Variants in EPN1 observed in about 807,000 individuals in gnomAD.
EPN1 encodes the protein epsin-1.
A neutral mutation model predicts 56.9 loss-of-function variants in EPN1; 25 were observed. The ratio of observed to expected loss-of-function variants is 0.44; its 90% CI spans 0.32 to 0.61. The LOEUF is 0.61. Among genes scored for constraint, EPN1 ranks in the 20% least tolerant of loss-of-function variants. The pLI, the probability that EPN1 is intolerant of heterozygous loss-of-function variation, is 0.05. For synonymous variants in EPN1, 411 were observed against 361.8 expected (o/e 1.14, Z -1.54); for missense variants, 785 against 823.7 (o/e 0.95, Z 0.58).
rs190736607 is a variant in EPN1 at position 55,701,189 on chromosome 19, G to C, written c.*5833G>C. On this transcript the variant is annotated 3_prime_UTR_variant, in exon 11 of 11. Transcript: ENST00000270460. ...GTTTCGCCTGGGTGCTGTGGCTCAT[G>C]CTTGTAATCCTAGCACTTTGGGAGG... The C allele has an allele frequency of 6.6e-6, 1 of 152,348 alleles. No homozygotes were observed. The highest frequency in any genetic ancestry group is 1.9e-4 in the East Asian group (1 of 5,178). 9.4% of individuals were successfully genotyped at this position (152,348 alleles called of 1,614,324 possible).
chr19:55,689,371 G>A lies in EPN1; in HGVS notation c.678G>A (p.Lys226=). 1 of 1,551,536 alleles carries A rather than the reference G, an allele frequency of 6.4e-7. No individual in the cohort carries two copies. The highest frequency in any genetic ancestry group is 8.7e-7 in the Non-Finnish European group (1 of 1,146,834). ...GTTTGAGCCGAGAAGAGCATGATAA[G>A]GTCAGAGCAGCCTCCCTGTCCCTGC... ...ALSLSREEHD[K]EERIRRGDDL... Residue 226 remains lysine, a splice_region_variant and synonymous_variant, in exon 5 of 11, where the codon AAG becomes AAA. Transcript: ENST00000270460. This position sits in a 1 kb window ranked among gnomAD's most constrained non-coding sequence, Gnocchi z 5.7.
rs773321347 is a variant in EPN1 at position 55,708,615 on chromosome 19, A to G, written c.*13259A>G. On this transcript the variant is annotated 3_prime_UTR_variant, in exon 11 of 11. Transcript: ENST00000270460. ...CTCCTACACACCAAGACATCCATTA[A>G]GAAAATAAAGCCATGCTTTCCAGAG... 7 of 222,242 alleles carry G rather than the reference A, an allele frequency of 3.1e-5. No individual in the cohort carries two copies. Among genetic ancestry groups the G allele is most frequent in the Non-Finnish European group, 5.3e-5 (6 of 114,226 alleles). 13.8% of individuals were successfully genotyped at this position (222,242 alleles called of 1,614,324 possible).
chr19:55,690,857 T>A (rs1986496269), intron 6 of EPN1, among the ~76,000 whole-genome samples: 1 of 152,130 alleles, frequency 6.6e-6, no homozygotes, highest in African/African-American at 2.4e-5. Context: ...CCTCTTTAGG[T>A]TGGCCTCGGC....
chr19:55,695,097 T>C lies in EPN1; in HGVS notation c.1523-51T>C, dbSNP rs374327985. 2 of 1,611,096 alleles carry C rather than the reference T, an allele frequency of 1.2e-6. No homozygotes were observed. Among genetic ancestry groups the C allele is most frequent in the Non-Finnish European group, 1.7e-6 (2 of 1,178,180 alleles). ...CCTGCACATGCTGGATGGACACAGG[T>C]GGGCTGCGCCACTGACTCCACTCCG... On this transcript the variant is annotated intron_variant, in intron 10 of 10. Coordinates refer to ENST00000270460, the MANE Select transcript of EPN1 (RefSeq NM_001130072.2). This position sits in a 1 kb window ranked among gnomAD's most constrained non-coding sequence, Gnocchi z 4.4.
In EPN1 at chr19:55,688,952, G is replaced by A; in HGVS notation, c.561G>A (p.Gln187=). 1 of 1,600,366 alleles carries A rather than the reference G, an allele frequency of 6.2e-7. No homozygotes were observed. Among genetic ancestry groups the A allele is most frequent in the Non-Finnish European group, 8.5e-7 (1 of 1,175,878 alleles). Residue 187 remains glutamine (Q), a synonymous_variant, in exon 4 of 11, where the codon CAG becomes CAA. Coordinates refer to ENST00000270460, the MANE Select transcript of EPN1 (RefSeq NM_001130072.2). ...AGAGCAGCGGGGAGGAGGAGCTGCA[G>A]CTCCAGCTGGCCCTGGCCATGAGCA... ...WPQSSGEEEL[Q]LQLALAMSKE... is the part of the protein sequence containing the mutation.
At position 55,709,047 on chromosome 19, in the gene EPN1, G is replaced by T. The variant is rs1259493996; in HGVS notation, c.*13691G>T. On this transcript the variant is annotated 3_prime_UTR_variant, in exon 11 of 11. Transcript: ENST00000270460. ...CATCAAAGCCAGATTTGTGCAGCCT[G>T]GGAAAATAGAAATAAAGTTTTTTTT... 6.4e-7 allele frequency: 1 copy of T among 1,554,990 alleles called. No homozygotes were observed. The highest frequency in any genetic ancestry group is 8.6e-7 in the Non-Finnish European group (1 of 1,161,246).
chr19:55,681,411 G>A (rs369091581), intron 2 of EPN1, among the ~76,000 whole-genome samples: 33 of 152,282 alleles, frequency 2.2e-4, no homozygotes, highest in African/African-American at 7.9e-4. Context: ...CCCACCCTCT[G>A]GGCCCTGCAC....
rs1600104819 is a variant in EPN1, at chr19:55,689,413, C to T, written c.678+42C>T. The stretch of plus-strand genomic sequence containing the variant: ...TGTCCCTGCCCCTGCCAGGGGCTCC[C>T]CTCAGACCAGCCCCGTCGCCCCTTC... On this transcript the variant is annotated intron_variant, in intron 5 of 10. Coordinates refer to ENST00000270460, the MANE Select transcript of EPN1 (RefSeq NM_001130072.2). The surrounding 1 kb of genome is among the most constrained non-coding windows in gnomAD (Gnocchi z 5.7). The T allele has an allele frequency of 6.8e-7, 1 of 1,463,538 alleles. No individual in the cohort carries two copies. The highest frequency in any genetic ancestry group is 1.4e-5 in the African/African-American group (1 of 71,402). The allele number at this position is 1,463,538 out of a possible 1,614,324, so 90.7% of individuals were successfully genotyped here.
In EPN1 at chr19:55,701,929, A is replaced by G. The variant is rs1905363446; in HGVS notation, c.*6573A>G. ...AGGACCAGGTGTGCTGTCTGCATCG[A>G]GCAGAGTCTCTAGCAGCCCCCACCC... On this transcript the variant is annotated 3_prime_UTR_variant, in exon 11 of 11. Transcript: ENST00000270460. 6.7e-6 allele frequency: 1 copy of G among 148,470 alleles called. No homozygotes were observed. Among genetic ancestry groups the G allele is most frequent in the Non-Finnish European group, 1.5e-5 (1 of 67,792 alleles). The allele number at this position is 148,470 out of a possible 1,614,324, so 9.2% of individuals were successfully genotyped here. A position where few individuals can be genotyped will look rare whatever the true frequency, so the allele number is the denominator to read the frequency against.
In EPN1 at chr19:55,702,737, G is replaced by C. The variant is rs1987201452; in HGVS notation, c.*7381G>C. The C allele has an allele frequency of 6.6e-6, 1 of 152,154 alleles. No homozygotes were observed. Among genetic ancestry groups the C allele is most frequent in the Non-Finnish European group, 1.5e-5 (1 of 68,026 alleles). 9.4% of individuals were successfully genotyped at this position (152,154 alleles called of 1,614,324 possible). ...ATCAATTGGGTATTGATTTCAGGTA[G>C]AATGGGTGAATGCATTTATTCGTTC... is the stretch of plus-strand genomic sequence containing the variant. On this transcript the variant is annotated 3_prime_UTR_variant, in exon 11 of 11. Transcript: ENST00000270460.
At chr19:55,692,625 C>A in intron 7 of EPN1, 61 bp from the exon 8 acceptor site, 1 of 1,145,902 alleles carries the variant, frequency 8.7e-7, no homozygotes, top group Non-Finnish European at 1.2e-6. Context: ...GGCAATGGTC[C>A]TCCCTAGCCA....
At chr19:55,688,771 G>GTGGGGT (rs1986333243) in intron 3 of EPN1, 99 bp from the exon 4 acceptor site, 1 of 1,507,662 alleles carries the variant, frequency 6.6e-7, no homozygotes, top group Non-Finnish European at 8.9e-7. Flanking sequence ...GACTTGGGGG[G>GTGGGGT]TGGGGTTGGA....
Position 55,702,944 on chromosome 19 carries a change from A to T in EPN1, c.*7588A>T, listed in dbSNP as rs141554573. 1.3e-5 allele frequency: 2 copies of T among 151,466 alleles called. No homozygotes were observed. Among genetic ancestry groups the T allele is most frequent in the Non-Finnish European group, 2.9e-5 (2 of 67,912 alleles). The allele number at this position is 151,466 out of a possible 1,614,324, so 9.4% of individuals were successfully genotyped here. On this transcript the variant is annotated 3_prime_UTR_variant, in exon 11 of 11. Coordinates refer to ENST00000270460, the MANE Select transcript of EPN1 (RefSeq NM_001130072.2). ...CGAGTAGCTGGGACTACAGGCGCCC[A>T]CCACCACGCCCGGCTAAGCTAATTT...
intron 9 of EPN1, 137 bp downstream of exon 9, chr19:55,693,174 G>A: frequency 1.4e-6 from 1 of 719,092 alleles, no homozygotes. Flanking sequence ...GTTGGGTAGA[G>A]TGGGCCAGAA....
rs141053468 is a variant in EPN1, at chr19:55,691,077, C to T, written c.763-677C>T. Among the ~76,000 whole-genome samples the T allele has an allele frequency of 5.6e-4, 86 of 152,268 alleles. No homozygotes were observed. The highest frequency in any genetic ancestry group is 1.8e-3 in the African/African-American group (73 of 41,548). ...TTGGGGGCATCTGCACGTTCTGAGA[C>T]GGGCTCTGGTTAGCTGGGCCCGTCG... On this transcript the variant is annotated intron_variant, in intron 6 of 10. Coordinates refer to ENST00000270460, the MANE Select transcript of EPN1 (RefSeq NM_001130072.2). The surrounding 1 kb of genome is among the most constrained non-coding windows in gnomAD (Gnocchi z 5.6).
intron 7 of EPN1, among the ~76,000 whole-genome samples, chr19:55,692,258 G>T (rs1003804094): frequency 1.3e-5 from 2 of 152,108 alleles, no homozygotes; most frequent in African/African-American, 2.4e-5. Context: ...GAGGACATGG[G>T]GGGTGTGCTG....
rs1296143175 is a variant in EPN1 at position 55,685,567 on chromosome 19, C to A, written c.400C>A (p.Leu134Met). Residue 134 changes from leucine to methionine, a missense_variant, in exon 3 of 11, where the codon CTG becomes ATG. Coordinates refer to ENST00000270460, the MANE Select transcript of EPN1 (RefSeq NM_001130072.2). ...GAAAGCTAAGCAGCTGGTGGCCCTG[C>A]TGCGCGACGAGGACCGGCTGCGGGA... ...REKAKQLVALLRDEDRLREER... is the reference protein window; with the variant it reads ...REKAKQLVALMRDEDRLREER... The A allele has an allele frequency of 2.5e-6, 4 of 1,610,494 alleles. No individual in the cohort carries two copies.
At position 55,703,859 on chromosome 19, in the gene EPN1, G is replaced by C. The variant is rs995184570; in HGVS notation, c.*8503G>C. 1 of 152,242 alleles carries C rather than the reference G, an allele frequency of 6.6e-6. No homozygotes were observed. The allele number at this position is 152,242 out of a possible 1,614,324, so 9.4% of individuals were successfully genotyped here. ...CGTGGGCTGGGATTGGAGGAAGCTG[G>C]AAAGCGCTCCCCTGCGTTTCGGCTG... On this transcript the variant is annotated 3_prime_UTR_variant, in exon 11 of 11. Coordinates refer to ENST00000270460, the MANE Select transcript of EPN1 (RefSeq NM_001130072.2).
intron 3 of EPN1, among the ~76,000 whole-genome samples, chr19:55,685,967 A>ACACG (rs1466466297): frequency 1.3e-5 from 2 of 152,150 alleles, no homozygotes; most frequent in Non-Finnish European, 2.9e-5. Flanking sequence ...CTCTGAGGGG[A>ACACG]CACGCACAGT....
Sources: allele counts gnomAD v4.1 joint callset (sites outside exome capture counted in the v4.1 genomes callset), GRCh38; gene constraint gnomAD v4.1.1; non-coding constraint Gnocchi (gnomAD v3.1); transcripts MANE v1.5; gene names NCBI Gene and HGNC (gene_info 2026-07-23, HGNC 2026-07-21).